Variants in RRAGB observed in about 807,000 individuals in gnomAD.
The protein encoded by RRAGB is Ras related GTP binding B.
A neutral mutation model predicts 29.3 loss-of-function variants in RRAGB; 6 were observed. The ratio of observed to expected loss-of-function variants is 0.21; its 90% confidence interval spans 0.11 to 0.40. The LOEUF (loss-of-function observed/expected upper bound fraction) is 0.40. Ranked by LOEUF, RRAGB falls within the 10% of genes least tolerant of loss-of-function variation. RRAGB has a pLI of 1.00. For synonymous variants in RRAGB, 101 were observed against 92.5 expected, an observed-to-expected ratio of 1.09 and a Z score of -0.53; for missense variants, 184 against 272.9, an observed-to-expected ratio of 0.67 and a Z score of 2.29.
At chrX:55,733,384 C>T (rs1234698377) in intron 5 of RRAGB, among the ~76,000 whole-genome samples, 1 of 111,921 alleles carries the variant, frequency 8.9e-6, no homozygotes, top group Admixed American at 9.5e-5. Context: ...TTTTCCAGTT[C>T]TTAGGGGAAT....
chrX:55,752,272 C>T (rs2034548399), intron 6 of RRAGB: 4 of 752,272 alleles, frequency 5.3e-6, no homozygotes, highest in African/African-American at 2.3e-5. Context: ...ATGGACATGA[C>T]GCACTGATAA....
At chrX:55,751,024 T>C (rs928043216) in intron 5 of RRAGB, 77 bp from the exon 6 acceptor site, 1 of 602,374 alleles carries the variant, frequency 1.7e-6, no homozygotes, top group Non-Finnish European at 2.5e-6. Flanking sequence ...GGTTAAAATA[T>C]GATAAAATAA....
intron 3 of RRAGB, among the ~76,000 whole-genome samples, chrX:55,728,886 T>G (rs1283372719): frequency 9.0e-6 from 1 of 110,758 alleles, no homozygotes; most frequent in Non-Finnish European, 1.9e-5. Context: ...TAGCAGGAGT[T>G]CATTTGGTTA....
rs368005933 is a variant in RRAGB, at chrX:55,718,315, G to T, written c.-13G>T. The T allele has an allele frequency of 8.5e-7, 1 of 1,182,502 alleles. No homozygotes were observed. The highest frequency in any genetic ancestry group is 1.8e-5 in the South Asian group (1 of 54,348). ...TGAAGATTTAGAAGGGACTGGAAAGGACTTGTTGCGCAATGGAAGAATCTG... is the reference window on the plus strand; with the variant it reads ...TGAAGATTTAGAAGGGACTGGAAAGTACTTGTTGCGCAATGGAAGAATCTG... On this transcript the variant is annotated 5_prime_UTR_variant, in exon 1 of 10. Coordinates refer to ENST00000374941, the MANE Select transcript of RRAGB (RefSeq NM_006064.5).
intron 3 of RRAGB, among the ~76,000 whole-genome samples, chrX:55,728,400 C>T (rs986633150): frequency 5.4e-5 from 6 of 111,024 alleles, no homozygotes; most frequent in Non-Finnish European, 1.1e-4. Flanking sequence ...AAGTTTGCGA[C>T]CCCTGGTGTA....
intron 5 of RRAGB, among the ~76,000 whole-genome samples, chrX:55,749,744 T>C (rs1460795449): frequency 1.8e-5 from 2 of 110,799 alleles, no homozygotes; most frequent in Non-Finnish European, 3.8e-5. Flanking sequence ...CCCCCAAACC[T>C]GTGCTCTCTG....
intron 3 of RRAGB, among the ~76,000 whole-genome samples, chrX:55,723,439 G>C (rs2033361598): frequency 9.1e-6 from 1 of 109,505 alleles, no homozygotes; most frequent in Admixed American, 9.7e-5. Flanking sequence ...ACCGTGCCTG[G>C]CCTATTTCTT....
chrX:55,719,167 T>TC, intron 1 of RRAGB, 147 bp from the exon 2 acceptor site: 1 of 456,062 alleles, frequency 2.2e-6, no homozygotes, highest in Non-Finnish European at 3.6e-6. Flanking sequence ...ATGGGACCTC[T>TC]ATTCATCTGA....
chrX:55,719,701 C>A (rs1160948154), intron 2 of RRAGB, among the ~76,000 whole-genome samples: 1 of 112,073 alleles, frequency 8.9e-6, no homozygotes, highest in Non-Finnish European at 1.9e-5. Context: ...AATTAATTTG[C>A]ACTTTGTGTA....
At chrX:55,734,992 A>G (rs1411733177) in intron 5 of RRAGB, among the ~76,000 whole-genome samples, 3 of 112,102 alleles carry the variant, frequency 2.7e-5, no homozygotes, top group Non-Finnish European at 5.6e-5. Context: ...TTGATACTTG[A>G]TATGATTTTG....
chrX:55,750,074 AAAAAG>A (rs1202468927), intron 5 of RRAGB, among the ~76,000 whole-genome samples: 1 of 103,901 alleles, frequency 9.6e-6, no homozygotes, highest in Non-Finnish European at 2.0e-5. Flanking sequence ...AAAAAAAAAA[AAAAAG>A]GTTATTCTCT....
chrX:55,741,471 A>G (rs942424796), intron 5 of RRAGB, among the ~76,000 whole-genome samples: 1 of 112,479 alleles, frequency 8.9e-6, no homozygotes, highest in African/African-American at 3.2e-5. Context: ...AAAAACATAA[A>G]GCGAGAAATG....
rs1327444332 is a variant in RRAGB, at chrX:55,718,354, G to A, written c.27G>A (p.Thr9=). Residue 9 remains threonine (T), a synonymous_variant, in exon 1 of 10, where the codon ACG becomes ACA. Transcript: ENST00000374941. ...TGGAAGAATCTGACTCTGAGAAAAC[G>A]ACGGAGAAAGAAAATCTGGGGCCGA... MEESDSEK[T]TEKENLGPRM... 2 of 1,206,016 alleles carry A rather than the reference G, an allele frequency of 1.7e-6. No individual in the cohort carries two copies. The highest frequency in any genetic ancestry group is 5.9e-5 in the East Asian group (2 of 33,753).
intron 5 of RRAGB, among the ~76,000 whole-genome samples, chrX:55,750,768 G>A (rs1158589274): frequency 1.8e-5 from 2 of 111,960 alleles, no homozygotes; most frequent in African/African-American, 6.5e-5. Context: ...CTTGGTATGT[G>A]TATAACTATC....
chrX:55,719,485 T>C, intron 2 of RRAGB, 138 bp downstream of exon 2: 1 of 398,694 alleles, frequency 2.5e-6, no homozygotes, highest in South Asian at 8.4e-5. Context: ...TCTCTTCTCC[T>C]TGTATGCTAT....
intron 2 of RRAGB, among the ~76,000 whole-genome samples, chrX:55,721,173 G>A (rs1009966648): frequency 1.8e-5 from 2 of 111,325 alleles, no homozygotes; most frequent in African/African-American, 6.6e-5. Flanking sequence ...TACATACTTT[G>A]AGCATCTGTT....
intron 5 of RRAGB, among the ~76,000 whole-genome samples, chrX:55,750,862 A>G (rs752696888): frequency 2.7e-5 from 3 of 112,091 alleles, no homozygotes; most frequent in Admixed American, 1.9e-4. Flanking sequence ...ATTTATAAAC[A>G]TAGTGCTCGT....
At chrX:55,731,330 G>C (rs752267493) in intron 4 of RRAGB, 34 bp from the exon 5 acceptor site, 1 of 1,054,555 alleles carries the variant, frequency 9.5e-7, no homozygotes, top group Non-Finnish European at 1.3e-6. Flanking sequence ...TTGAATTGAG[G>C]ATTTGCTTAC....
chrX:55,731,105 A>C (rs1460849872), intron 4 of RRAGB, among the ~76,000 whole-genome samples: 1 of 111,606 alleles, frequency 9.0e-6, no homozygotes, highest in Non-Finnish European at 1.9e-5. Context: ...TGGATCTGGT[A>C]CAGGAGAATC....
Sources: gnomAD v4.1 joint callset for allele counts (sites outside exome capture counted in the v4.1 genomes callset) on GRCh38, gnomAD v4.1.1 for gene constraint, MANE v1.5 for transcripts, NCBI Gene and HGNC (gene_info 2026-07-23, HGNC 2026-07-21) for gene names.